EPHB1: variants seen among roughly 807,000 people sequenced by gnomAD.
The protein encoded by EPHB1 is ephrin type-B receptor 1.
A neutral mutation model predicts 94.4 loss-of-function variants in EPHB1; 30 were observed. The observed-to-expected ratio is 0.32, with a 90% CI of 0.24 to 0.43. EPHB1 has a LOEUF of 0.43. Ranked by LOEUF, EPHB1 falls within the 20% of genes least tolerant of loss-of-function variation. The probability of loss-of-function intolerance (pLI) is 1.00; values close to 1 mark genes in which losing one functional copy is unlikely to be tolerated. For synonymous variants in EPHB1, 522 were observed against 489.1 expected (o/e 1.07, Z -0.89); for missense variants, 1,055 against 1,308.3 (o/e 0.81, Z 2.99).
At chr3:135,054,501 G>T (rs921133054) in intron 3 of EPHB1, among the ~76,000 whole-genome samples, 5 of 152,120 alleles carry the variant, frequency 3.3e-5, no homozygotes, top group Non-Finnish European at 5.9e-5. Flanking sequence ...TGCCCTTGTA[G>T]GCCTCAGATA....
chr3:135,215,169 T>A (rs80166142), intron 12 of EPHB1, among the ~76,000 whole-genome samples: 5 of 143,732 alleles, frequency 3.5e-5, no homozygotes, highest in African/African-American at 1.3e-4. Context: ...TTCTTTTTTC[T>A]TTTTTTTTTT....
At chr3:134,915,597 T>A (rs2038549668) in intron 1 of EPHB1, among the ~76,000 whole-genome samples, 1 of 152,166 alleles carries the variant, frequency 6.6e-6, no homozygotes, top group South Asian at 2.1e-4. Flanking sequence ...AAAGGCGGCG[T>A]GTCTGGACTT....
intron 1 of EPHB1, among the ~76,000 whole-genome samples, chr3:134,869,979 A>G (rs2037465552): frequency 6.6e-6 from 1 of 152,224 alleles, no homozygotes; most frequent in South Asian, 2.1e-4. Flanking sequence ...GCTATTCTCG[A>G]GCCATTGCAG....
intron 3 of EPHB1, among the ~76,000 whole-genome samples, chr3:135,042,874 G>T (rs940884847): frequency 6.6e-6 from 1 of 151,584 alleles, no homozygotes; most frequent in Non-Finnish European, 1.5e-5. Flanking sequence ...CAGAGTCTCC[G>T]TCTGTCGCCC....
chr3:134,977,771 C>A (rs903367388), intron 3 of EPHB1, among the ~76,000 whole-genome samples: 3 of 152,282 alleles, frequency 2.0e-5, no homozygotes, highest in African/African-American at 2.4e-5. Context: ...CCCTAAAACA[C>A]CTAGAGCCCA....
intron 12 of EPHB1, among the ~76,000 whole-genome samples, chr3:135,214,638 C>T (rs1943103213): frequency 6.6e-6 from 1 of 152,206 alleles, no homozygotes; most frequent in Non-Finnish European, 1.5e-5. Context: ...CCCACACACA[C>T]CCATTATCCA....
intron 1 of EPHB1, among the ~76,000 whole-genome samples, chr3:134,913,326 G>T (rs562399022): frequency 2.4e-4 from 37 of 152,178 alleles, no homozygotes; most frequent in Non-Finnish European, 4.6e-4. Context: ...TCTCCTGAGA[G>T]CAGGCCCAGC....
At chr3:135,155,622 A>G (rs1941327679) in intron 6 of EPHB1, among the ~76,000 whole-genome samples, 1 of 151,658 alleles carries the variant, frequency 6.6e-6, no homozygotes, top group Non-Finnish European at 1.5e-5. Flanking sequence ...TGACCAACAT[A>G]ATGAAACCCC....
At chr3:134,919,321 A>G (rs1447830422) in intron 1 of EPHB1, among the ~76,000 whole-genome samples, 1 of 152,160 alleles carries the variant, frequency 6.6e-6, no homozygotes, top group Non-Finnish European at 1.5e-5. Context: ...TGGGTTGTGG[A>G]AAGTTTGCTT....
chr3:134,991,622 T>C (rs1179167133), intron 3 of EPHB1, among the ~76,000 whole-genome samples: 1 of 152,172 alleles, frequency 6.6e-6, no homozygotes, highest in Non-Finnish European at 1.5e-5. Context: ...ACTGGCTCCA[T>C]GGACCTCACC....
At chr3:135,169,901 C>A (rs1204547141) in intron 9 of EPHB1, among the ~76,000 whole-genome samples, 1 of 152,214 alleles carries the variant, frequency 6.6e-6, no homozygotes, top group Non-Finnish European at 1.5e-5. Context: ...GGAGCAGCTC[C>A]AGGACTAATC....
chr3:135,084,022 T>G (rs970552828), intron 3 of EPHB1, among the ~76,000 whole-genome samples: 2 of 152,242 alleles, frequency 1.3e-5, no homozygotes, highest in East Asian at 3.9e-4. Flanking sequence ...TTTGTTGGAG[T>G]TGGCTCTCCC....
rs568984334 is a variant in EPHB1, at chr3:135,005,153, CTGTT to C, written c.805+53106_805+53109del. Among the ~76,000 whole-genome samples the C allele has an allele frequency of 5.2e-3, 795 of 152,288 alleles. 6 individuals carry two copies. Among genetic ancestry groups the C allele is most frequent in the Non-Finnish European group, 7.1e-3 (482 of 68,024 alleles). On this transcript the variant is annotated intron_variant, in intron 3 of 15. Transcript: ENST00000398015. ...TGGGTTTTTGGTGTGGATGTCCTTT[CTGTT>C]TGTTAGTTTTCCTTCTAACAGACAG...
At chr3:135,108,110 T>G (rs2107799826) in intron 4 of EPHB1, among the ~76,000 whole-genome samples, 1 of 152,324 alleles carries the variant, frequency 6.6e-6, no homozygotes, top group South Asian at 2.1e-4. Context: ...CTGAAAACGC[T>G]CCTTTCCATT....
intron 3 of EPHB1, among the ~76,000 whole-genome samples, chr3:135,104,140 G>A (rs1446391500): frequency 6.6e-6 from 1 of 152,218 alleles, no homozygotes; most frequent in African/African-American, 2.4e-5. Context: ...AGCTCCTGCC[G>A]AGTCCAGGCA....
At chr3:135,115,595 T>C (rs767177202) in intron 4 of EPHB1, among the ~76,000 whole-genome samples, 1 of 152,158 alleles carries the variant, frequency 6.6e-6, no homozygotes, top group Non-Finnish European at 1.5e-5. Flanking sequence ...TTAAATCTGC[T>C]TCATGACCTT....
At chr3:134,997,582 G>A (rs1473999810) in intron 3 of EPHB1, among the ~76,000 whole-genome samples, 1 of 152,082 alleles carries the variant, frequency 6.6e-6, no homozygotes, top group Non-Finnish European at 1.5e-5. Flanking sequence ...CTGACTTGAT[G>A]TTCTGAAGCT....
intron 5 of EPHB1, among the ~76,000 whole-genome samples, chr3:135,144,422 T>C (rs998977136): frequency 1.3e-5 from 2 of 152,336 alleles, no homozygotes; most frequent in Non-Finnish European, 2.9e-5. Flanking sequence ...CCAGAGTTTC[T>C]GATTCACTGA....
intron 1 of EPHB1, among the ~76,000 whole-genome samples, chr3:134,917,230 C>T (rs2038593113): frequency 6.6e-6 from 1 of 152,184 alleles, no homozygotes. Context: ...ACCCTCTGAA[C>T]CATAGAGGAG....
Sources: allele counts gnomAD v4.1 joint callset (sites outside exome capture counted in the v4.1 genomes callset), GRCh38; gene constraint gnomAD v4.1.1; transcripts MANE v1.5; gene names NCBI Gene and HGNC (gene_info 2026-07-23, HGNC 2026-07-21).